MYH10: variants seen among roughly 807,000 people sequenced by gnomAD.
The protein encoded by MYH10 is myosin heavy chain 10, also known as myosin-10.
Under a neutral mutation model 257.8 loss-of-function variants are expected in MYH10, and 55 were observed. That is an observed-to-expected ratio of 0.21 (90% CI 0.17 to 0.27). The LOEUF (loss-of-function observed/expected upper bound fraction) is 0.27. Ranked by LOEUF, MYH10 falls within the 10% of genes least tolerant of loss-of-function variation. The pLI, the probability that MYH10 is intolerant of heterozygous loss-of-function variation, is 1.00. For missense variants in MYH10, 1,631 were observed against 2,500.6 expected (o/e 0.65, Z 7.42); for synonymous variants, 854 against 921.7 (o/e 0.93, Z 1.33).
At chr17:8,608,541 G>C (rs557337947) in intron 2 of MYH10, among the ~76,000 whole-genome samples, 12 of 152,290 alleles carry the variant, frequency 7.9e-5, no homozygotes, top group African/African-American at 2.9e-4. Context: ...TGGTATGGTG[G>C]GTGAGCCAAG....
intron 2 of MYH10, among the ~76,000 whole-genome samples, chr17:8,606,641 G>A (rs1265305679): frequency 6.6e-6 from 1 of 152,206 alleles, no homozygotes; most frequent in Non-Finnish European, 1.5e-5. Context: ...CAAGTGATCA[G>A]AACTGTCTCT....
intron 28 of MYH10, 121 bp from the exon 29 acceptor site, chr17:8,501,091 G>C: frequency 5.6e-6 from 6 of 1,069,140 alleles, no homozygotes; most frequent in Non-Finnish European, 8.0e-6. Context: ...ATAAATACTT[G>C]ATGTGCTATT....
chr17:8,607,241 A>AT (rs1342264356), intron 2 of MYH10, among the ~76,000 whole-genome samples: 3 of 152,218 alleles, frequency 2.0e-5, no homozygotes, highest in Non-Finnish European at 4.4e-5. Context: ...AAGGCATGTA[A>AT]TTAGAGACTA....
chr17:8,520,789 G>T, intron 19 of MYH10, 89 bp downstream of exon 19: 1 of 1,416,946 alleles, frequency 7.1e-7, no homozygotes, highest in Non-Finnish European at 9.5e-7. Flanking sequence ...TAGGGGACAA[G>T]GAAAAAGATT....
At chr17:8,530,537 G>T in intron 17 of MYH10, 86 bp downstream of exon 17, 1 of 28,656 alleles carries the variant, frequency 3.5e-5, no homozygotes, top group Non-Finnish European at 8.1e-5. Flanking sequence ...CGCCCTCCCC[G>T]GCCACCCTGC....
intron 41 of MYH10, 171 bp downstream of exon 41, chr17:8,478,167 C>T: frequency 1.6e-6 from 1 of 622,672 alleles, no homozygotes; most frequent in East Asian, 2.7e-5. Flanking sequence ...TCTCCCCGCC[C>T]TCCTGTGTCT....
At chr17:8,529,946 C>G (rs937796074) in intron 17 of MYH10, among the ~76,000 whole-genome samples, 3 of 152,096 alleles carry the variant, frequency 2.0e-5, no homozygotes, top group African/African-American at 7.2e-5. Flanking sequence ...ATCACAAAGC[C>G]CAAACATTTG....
In MYH10 at chr17:8,477,855, C is replaced by T. The variant is rs529367842; in HGVS notation, c.5706+483G>A. ...GCCTGACCCACAGTTCAAAGTCCTG[C>T]GGAACATTCCCTGTGTACTTAGAAA... is the stretch of plus-strand genomic sequence containing the variant. On this transcript the variant is annotated intron_variant, in intron 41 of 42. Transcript: ENST00000360416. The surrounding 1 kb of genome is among the most constrained non-coding windows in gnomAD (Gnocchi z 4.2). Among the ~76,000 whole-genome samples the T allele has an allele frequency of 5.1e-4, 77 of 152,312 alleles. 1 individual carries two copies. Among genetic ancestry groups the T allele is most frequent in the African/African-American group, 1.7e-3 (72 of 41,570 alleles).
chr17:8,503,771 C>T (rs1339070145), intron 28 of MYH10, among the ~76,000 whole-genome samples: 1 of 152,216 alleles, frequency 6.6e-6, no homozygotes, highest in Admixed American at 6.5e-5. Flanking sequence ...TTCCAGGCCT[C>T]AGCAACTCCC....
At chr17:8,514,632 T>A (rs1429882899) in intron 21 of MYH10, among the ~76,000 whole-genome samples, 1 of 150,206 alleles carries the variant, frequency 6.7e-6, no homozygotes, top group Non-Finnish European at 1.5e-5. Context: ...TCAACCCCCC[T>A]CCTGCCAAAA....
At chr17:8,492,631 CTTT>C (rs74648985) in intron 33 of MYH10, 122 bp from the exon 34 acceptor site, 20,442 of 910,222 alleles carry the variant, frequency 0.022, no homozygotes, top group South Asian at 0.024. Context: ...CTTGTATTTC[CTTT>C]TTTTTTTTTT....
At chr17:8,547,116 G>A (rs1382556123) in intron 11 of MYH10, among the ~76,000 whole-genome samples, 1 of 152,040 alleles carries the variant, frequency 6.6e-6, no homozygotes, top group African/African-American at 2.4e-5. Flanking sequence ...ACAACCGACG[G>A]GCATAGCACG....
intron 17 of MYH10, among the ~76,000 whole-genome samples, chr17:8,525,624 C>T (rs182064087): frequency 1.3e-5 from 2 of 152,320 alleles, no homozygotes; most frequent in African/African-American, 4.8e-5. Flanking sequence ...TTAGCCTACA[C>T]GGGCAGTTCT....
chr17:8,576,713 T>C, intron 5 of MYH10, 41 bp from the exon 6 acceptor site: 1 of 1,545,892 alleles, frequency 6.5e-7, no homozygotes, highest in Non-Finnish European at 8.7e-7. Context: ...TTAGCAAGTT[T>C]GAGTCTTTGC....
At chr17:8,526,012 C>T (rs1231847020) in intron 17 of MYH10, among the ~76,000 whole-genome samples, 7 of 152,140 alleles carry the variant, frequency 4.6e-5, no homozygotes, top group Non-Finnish European at 1.0e-4. Context: ...AGGCTGGTCT[C>T]GAACTCCTGA....
intron 1 of MYH10, 46 bp from the exon 2 acceptor site, chr17:8,623,323 A>G: frequency 6.8e-7 from 1 of 1,477,484 alleles, no homozygotes; most frequent in South Asian, 1.4e-5. Flanking sequence ...AAGAAACAAA[A>G]GAATGTACAC....
At chr17:8,496,688 C>A (rs947880947) in intron 30 of MYH10, among the ~76,000 whole-genome samples, 2 of 152,146 alleles carry the variant, frequency 1.3e-5, no homozygotes, top group South Asian at 4.1e-4. Context: ...TGTGAGAGCA[C>A]GCACACAATA....
intron 7 of MYH10, among the ~76,000 whole-genome samples, chr17:8,556,759 T>C (rs1264307651): frequency 6.6e-6 from 1 of 152,214 alleles, no homozygotes; most frequent in Non-Finnish European, 1.5e-5. Flanking sequence ...TGAATTTTAT[T>C]GTATGCCAAC....
Position 8,532,132 on chromosome 17 carries a change from C to A in MYH10, c.1895-1447G>T, listed in dbSNP as rs545106011. Among the ~76,000 whole-genome samples the A allele has an allele frequency of 2.0e-5, 3 of 152,346 alleles. No homozygotes were observed. In the East Asian group the frequency reaches 5.8e-4, roughly 29 times the overall value. ...CCACCTAAGCTGAAGAGCGACAGCA[C>A]CTCCTGCTAAGAGCAGCATTATCAG... On this transcript the variant is annotated intron_variant, in intron 16 of 42. Transcript: ENST00000360416.
Sources: gnomAD v4.1 joint callset for allele counts (sites outside exome capture counted in the v4.1 genomes callset) on GRCh38, gnomAD v4.1.1 for gene constraint, Gnocchi (gnomAD v3.1) non-coding constraint, MANE v1.5 for transcripts, NCBI Gene and HGNC (gene_info 2026-07-23, HGNC 2026-07-21) for gene names.